Variants in RAB31 observed in about 807,000 individuals in gnomAD.
RAB31 encodes RAB31, member RAS oncogene family.
In RAB31, 21 loss-of-function variants were observed where a neutral mutation model predicts 25.6. The observed-to-expected ratio is 0.82, with a 90% confidence interval of 0.58 to 1.18. RAB31 has a LOEUF of 1.18. Ranked by LOEUF, RAB31 falls within the 50% of genes most tolerant of loss-of-function variation. The pLI, the probability that RAB31 is intolerant of heterozygous loss-of-function variation, is 0.00. For synonymous variants in RAB31, 87 were observed against 84.0 expected, an observed-to-expected ratio of 1.04 and a Z score of -0.20; for missense variants, 196 against 250.1, an observed-to-expected ratio of 0.78 and a Z score of 1.46.
chr18:9,828,412 A>G (rs1210623184), intron 5 of RAB31, among the ~76,000 whole-genome samples: 2 of 152,194 alleles, frequency 1.3e-5, no homozygotes, highest in African/African-American at 4.8e-5. Flanking sequence ...CCATCCTCCA[A>G]GGAGGCTGTG....
At chr18:9,817,585 T>G (rs992994860) in intron 5 of RAB31, among the ~76,000 whole-genome samples, 5 of 152,072 alleles carry the variant, frequency 3.3e-5, no homozygotes, top group Non-Finnish European at 5.9e-5. Flanking sequence ...TACGAGATGA[T>G]ATTTCCCAAC....
At chr18:9,835,641 T>A (rs921201118) in intron 5 of RAB31, among the ~76,000 whole-genome samples, 3 of 152,222 alleles carry the variant, frequency 2.0e-5, no homozygotes, top group African/African-American at 7.2e-5. Flanking sequence ...TACACGGTTG[T>A]CAAGTGCTTT....
At position 9,815,142 on chromosome 18, in the gene RAB31, G is replaced by T; in HGVS notation, c.300G>T (p.Trp100Cys). The T allele has an allele frequency of 1.3e-6, 2 of 1,554,030 alleles. No homozygotes were observed. The highest frequency in any genetic ancestry group is 2.4e-5 in the East Asian group (1 of 41,418). ...ATTCATTTTATACCTTGAAGAAATG[G>T]GTCAAGGAGCTGAAAGAACATGGTC... ...KQDSFYTLKK[W>C]VKELKEHGPE... The change falls in exon 5 of 7, where the codon TGG (tryptophan) becomes TGT (cysteine). Residue 100 changes from tryptophan (W) to cysteine (C), a missense_variant. Coordinates refer to ENST00000578921, the MANE Select transcript of RAB31 (RefSeq NM_006868.4).
At chr18:9,828,425 A>G (rs2068660998) in intron 5 of RAB31, among the ~76,000 whole-genome samples, 1 of 152,064 alleles carries the variant, frequency 6.6e-6, no homozygotes, top group Non-Finnish European at 1.5e-5. Flanking sequence ...AGGCTGTGGG[A>G]GCCGTTCTAG....
At chr18:9,788,752 G>A (rs889908416) in intron 2 of RAB31, among the ~76,000 whole-genome samples, 2 of 152,178 alleles carry the variant, frequency 1.3e-5, no homozygotes, top group Non-Finnish European at 2.9e-5. Context: ...GATCACCTGA[G>A]GTCAGGAGTT....
chr18:9,712,915 G>A (rs372085720), intron 1 of RAB31, among the ~76,000 whole-genome samples: 40 of 152,336 alleles, frequency 2.6e-4, no homozygotes, highest in South Asian at 6.2e-4. Flanking sequence ...GAAGCATCTT[G>A]TGATCTTTGT....
rs140724245 is a variant in RAB31, at chr18:9,839,214, C to T, written c.381-6368C>T. On this transcript the variant is annotated intron_variant, in intron 5 of 6. Transcript: ENST00000578921. ...TGCCAGACTGAGCTCTCTAGGAGGC[C>T]GTGTGAGATGTTGCCACCTGAACAG... Among the ~76,000 whole-genome samples the T allele has an allele frequency of 7.4e-3, 1,132 of 152,192 alleles. 18 individuals carry two copies. Among genetic ancestry groups the T allele is most frequent in the African/African-American group, 0.026 (1,077 of 41,522 alleles).
At chr18:9,764,774 A>T (rs536201624) in intron 1 of RAB31, among the ~76,000 whole-genome samples, 6 of 152,058 alleles carry the variant, frequency 3.9e-5, no homozygotes, top group Non-Finnish European at 5.9e-5. Flanking sequence ...GGAACTGTGG[A>T]CATTTCCAAG....
chr18:9,860,337 C>G lies in RAB31; in HGVS notation c.*1012C>G, dbSNP rs921107605. On this transcript the variant is annotated 3_prime_UTR_variant, in exon 7 of 7. Coordinates refer to ENST00000578921, the MANE Select transcript of RAB31 (RefSeq NM_006868.4). ...GAGGAAGTGTCAGCACTTTAAAATTCTAGACCCCAAAAAACTACAAAATCA... is the reference window on the plus strand; with the variant it reads ...GAGGAAGTGTCAGCACTTTAAAATTGTAGACCCCAAAAAACTACAAAATCA... The G allele has an allele frequency of 1.3e-5, 2 of 152,116 alleles. No homozygotes were observed. Among genetic ancestry groups the G allele is most frequent in the Non-Finnish European group, 2.9e-5 (2 of 67,998 alleles). The allele number at this position is 152,116 out of a possible 1,614,324, so 9.4% of individuals were successfully genotyped here.
At chr18:9,850,197 C>T (rs1358350987) in intron 6 of RAB31, among the ~76,000 whole-genome samples, 4 of 152,184 alleles carry the variant, frequency 2.6e-5, no homozygotes, top group Admixed American at 2.6e-4. Context: ...GGAGGATTGG[C>T]ATAGGAACAA....
At chr18:9,773,712 G>GACA (rs2064046722) in intron 1 of RAB31, among the ~76,000 whole-genome samples, 1 of 152,122 alleles carries the variant, frequency 6.6e-6, no homozygotes, top group Non-Finnish European at 1.5e-5. Flanking sequence ...CAGGCTGAGT[G>GACA]CAGTGGCACA....
At chr18:9,857,355 A>G (rs1355835494) in intron 6 of RAB31, among the ~76,000 whole-genome samples, 1 of 152,032 alleles carries the variant, frequency 6.6e-6, no homozygotes, top group African/African-American at 2.4e-5. Flanking sequence ...TTGGTGCTCT[A>G]TATTGTCATT....
chr18:9,815,109 G>T lies in RAB31; in HGVS notation c.274-7G>T. 1 of 1,515,306 alleles carries T rather than the reference G, an allele frequency of 6.6e-7. No homozygotes were observed. The allele number at this position is 1,515,306 out of a possible 1,614,324, so 93.9% of individuals were successfully genotyped here. Reference sequence around the variant, plus strand: ...TTTCTAATGATTTGTGTACACTGTTGGTTTAGGATTCATTTTATACCTTGA... The same window carrying T: ...TTTCTAATGATTTGTGTACACTGTTTGTTTAGGATTCATTTTATACCTTGA... On this transcript the variant is annotated splice_region_variant and splice_polypyrimidine_tract_variant and intron_variant, in intron 4 of 6. Transcript: ENST00000578921.
intron 6 of RAB31, among the ~76,000 whole-genome samples, chr18:9,852,135 T>C (rs2068792399): frequency 6.6e-6 from 1 of 152,102 alleles, no homozygotes; most frequent in Non-Finnish European, 1.5e-5. Context: ...CTGAATAATA[T>C]AGTGAACCAT....
intron 2 of RAB31, among the ~76,000 whole-genome samples, chr18:9,791,475 G>A (rs1038345899): frequency 2.2e-5 from 3 of 136,352 alleles, no homozygotes; most frequent in Non-Finnish European, 4.6e-5. Context: ...TTGGCTCACT[G>A]CAGCCTCTGC....
intron 1 of RAB31, among the ~76,000 whole-genome samples, chr18:9,755,079 T>C (rs1019444120): frequency 6.6e-6 from 1 of 152,146 alleles, no homozygotes; most frequent in African/African-American, 2.4e-5. Flanking sequence ...GGCGTCACAC[T>C]AGTAAGTCTG....
intron 1 of RAB31, among the ~76,000 whole-genome samples, chr18:9,770,410 GCCA>G (rs995604279): frequency 6.6e-6 from 1 of 152,176 alleles, no homozygotes; most frequent in African/African-American, 2.4e-5. Context: ...TGTGGCAGCA[GCCA>G]AAACTTTGTG....
chr18:9,805,361 G>C (rs544665842), intron 3 of RAB31, among the ~76,000 whole-genome samples: 1 of 151,748 alleles, frequency 6.6e-6, no homozygotes, highest in South Asian at 2.1e-4. Context: ...GGAGGTACAA[G>C]GGCAGAATCT....
chr18:9,817,239 C>A (rs956660952), intron 5 of RAB31, among the ~76,000 whole-genome samples: 2 of 152,020 alleles, frequency 1.3e-5, no homozygotes, highest in Non-Finnish European at 2.9e-5. Context: ...GACTAATGTG[C>A]GCCTTTAAGT....
Sources: gnomAD v4.1 joint callset for allele counts (sites outside exome capture counted in the v4.1 genomes callset) on GRCh38, gnomAD v4.1.1 for gene constraint, MANE v1.5 for transcripts, NCBI Gene and HGNC (gene_info 2026-07-23, HGNC 2026-07-21) for gene names.